MYO10: variants seen among roughly 807,000 people sequenced by gnomAD.
MYO10 encodes the protein unconventional myosin-X.
A neutral mutation model predicts 257.3 loss-of-function variants in MYO10; 133 were observed. That is an observed-to-expected ratio of 0.52 (90% confidence interval 0.45 to 0.60). The LOEUF is 0.60. MYO10 is among the 20% of genes least tolerant of loss of function. The pLI is 0.00. For synonymous variants in MYO10, 1,104 were observed against 1,028.6 expected (o/e 1.07, Z -1.40); for missense variants, 2,399 against 2,635.7 (o/e 0.91, Z 1.97).
At chr5:16,786,890 CG>C (rs1741597567) in intron 4 of MYO10, among the ~76,000 whole-genome samples, 1 of 151,524 alleles carries the variant, frequency 6.6e-6, no homozygotes, top group Non-Finnish European at 1.5e-5. Context: ...AATTTTTGGC[CG>C]GGGGCAGTAG....
intron 26 of MYO10, among the ~76,000 whole-genome samples, chr5:16,698,543 C>T (rs1424847231): frequency 4.0e-5 from 6 of 151,740 alleles, no homozygotes; most frequent in Non-Finnish European, 5.9e-5. Flanking sequence ...AGCAGTGGGC[C>T]TCAGTGAGAT....
chr5:16,741,360 A>C (rs773665345), intron 19 of MYO10, among the ~76,000 whole-genome samples: 1 of 152,196 alleles, frequency 6.6e-6, no homozygotes, highest in African/African-American at 2.4e-5. Context: ...AATGCGATTA[A>C]AAAAGAGATT....
At chr5:16,831,513 T>C (rs544491973) in intron 2 of MYO10, among the ~76,000 whole-genome samples, 34 of 152,200 alleles carry the variant, frequency 2.2e-4, no homozygotes, top group African/African-American at 7.5e-4. Flanking sequence ...CTGTGGTATA[T>C]ATATATACAA....
At chr5:16,766,583 C>T (rs547322748) in intron 10 of MYO10, among the ~76,000 whole-genome samples, 1 of 152,138 alleles carries the variant, frequency 6.6e-6, no homozygotes, top group East Asian at 1.9e-4. Context: ...GCACCCGCTA[C>T]CACGCCTGGC....
intron 33 of MYO10, among the ~76,000 whole-genome samples, chr5:16,676,647 CG>C (rs1426188642): frequency 2.6e-5 from 4 of 152,066 alleles, no homozygotes; most frequent in African/African-American, 9.7e-5. Context: ...ACCCGGGAGG[CG>C]GAGGTTGCAG....
chr5:16,908,941 A>T (rs1225014939), intron 1 of MYO10, among the ~76,000 whole-genome samples: 1 of 152,204 alleles, frequency 6.6e-6, no homozygotes, highest in Non-Finnish European at 1.5e-5. Context: ...ACAGAAAGCA[A>T]CTTGGAGGTT....
chr5:16,716,366 G>A (rs900963690), intron 19 of MYO10, among the ~76,000 whole-genome samples: 13 of 151,780 alleles, frequency 8.6e-5, no homozygotes, highest in African/African-American at 2.9e-4. Context: ...GACAACAGAG[G>A]TGCTGACAAA....
At chr5:16,903,998 G>A (rs147456057) in intron 1 of MYO10, among the ~76,000 whole-genome samples, 3 of 152,302 alleles carry the variant, frequency 2.0e-5, no homozygotes, top group Non-Finnish European at 2.9e-5. Flanking sequence ...TGTCTTGTAT[G>A]CCATGAGTTG....
At position 16,769,059 on chromosome 5, in the gene MYO10, C is replaced by T; in HGVS notation, c.1060+15G>A. ...GAACAAAGGGAGCGAGGAGGGCAGGCAGGCATAATCTTACCTGTTTTGAAG... is the reference window on the plus strand; with the variant it reads ...GAACAAAGGGAGCGAGGAGGGCAGGTAGGCATAATCTTACCTGTTTTGAAG... On this transcript the variant is annotated intron_variant, in intron 10 of 40. Coordinates refer to ENST00000513610, the MANE Select transcript of MYO10 (RefSeq NM_012334.3). 6.3e-7 allele frequency: 1 copy of T among 1,597,102 alleles called. No homozygotes were observed. The highest frequency in any genetic ancestry group is 1.3e-5 in the African/African-American group (1 of 74,126).
intron 1 of MYO10, among the ~76,000 whole-genome samples, chr5:16,923,276 C>T (rs1180770234): frequency 6.6e-6 from 1 of 151,750 alleles, no homozygotes; most frequent in African/African-American, 2.4e-5. Flanking sequence ...TGTATTTTCA[C>T]CTGGCACTAA....
Position 16,706,629 on chromosome 5 carries a change from G to A in MYO10, c.2170-1944C>T, listed in dbSNP as rs563536987. Among the ~76,000 whole-genome samples, 6 of 152,238 alleles carry A rather than the reference G, an allele frequency of 3.9e-5. No homozygotes were observed. The East Asian group carries it at 9.7e-4, about 25-fold the overall frequency. On this transcript the variant is annotated intron_variant, in intron 21 of 40. Transcript: ENST00000513610. Reference sequence around the variant, plus strand: ...CTCTCATGAGTGACACAGCGATGACGTGAACAAGTGGAAACCTTTGTGAAG... The same window carrying A: ...CTCTCATGAGTGACACAGCGATGACATGAACAAGTGGAAACCTTTGTGAAG...
At position 16,676,154 on chromosome 5, in the gene MYO10, C is replaced by T; in HGVS notation, c.4543G>A (p.Glu1515Lys). Residue 1515 changes from glutamate to lysine, a missense_variant and splice_region_variant, in exon 34 of 41, where the codon GAG becomes AAG. Glu to Lys is a moderately conservative substitution (Grantham distance 56). Around this residue, in one of 3 missense-constraint regions of MYO10, gnomAD observed 1,820 missense variants for 1,939.4 expected, o/e 0.94. Coordinates refer to ENST00000513610, the MANE Select transcript of MYO10 (RefSeq NM_012334.3). Reference protein sequence around the residue: ...PTQQLIQDIKENCLNSDVVEQ... With the variant: ...PTQQLIQDIKKNCLNSDVVEQ... ...ACCACATCCGAGTTCAGGCAGTTCTCCTAAAAATAAAGCAAGCAAGCTTAT... is the reference window on the plus strand; with the variant it reads ...ACCACATCCGAGTTCAGGCAGTTCTTCTAAAAATAAAGCAAGCAAGCTTAT... 6.2e-7 allele frequency: 1 copy of T among 1,610,834 alleles called. No individual in the cohort carries two copies. The highest frequency in any genetic ancestry group is 8.5e-7 in the Non-Finnish European group (1 of 1,179,010).
At chr5:16,868,134 C>A (rs1339945786) in intron 2 of MYO10, among the ~76,000 whole-genome samples, 2 of 152,220 alleles carry the variant, frequency 1.3e-5, no homozygotes, top group African/African-American at 4.8e-5. Flanking sequence ...GTTCTAATCA[C>A]CAAGGTGAAA....
chr5:16,867,643 A>G (rs893524336), intron 2 of MYO10, among the ~76,000 whole-genome samples: 2 of 152,182 alleles, frequency 1.3e-5, no homozygotes, highest in African/African-American at 4.8e-5. Flanking sequence ...AGTCAAACCA[A>G]AAAGTCAGAG....
intron 2 of MYO10, among the ~76,000 whole-genome samples, chr5:16,863,909 G>A (rs879748947): frequency 6.6e-6 from 1 of 152,170 alleles, no homozygotes. Context: ...ACCAGCCTGG[G>A]CAACAAGGCA....
intron 3 of MYO10, among the ~76,000 whole-genome samples, chr5:16,814,102 T>C (rs1285115602): frequency 6.6e-6 from 1 of 152,168 alleles, no homozygotes; most frequent in African/African-American, 2.4e-5. Flanking sequence ...TTTCTGCTGG[T>C]GAGACTTATG....
intron 2 of MYO10, among the ~76,000 whole-genome samples, chr5:16,824,531 G>A (rs1458762980): frequency 6.6e-6 from 1 of 152,102 alleles, no homozygotes; most frequent in Non-Finnish European, 1.5e-5. Context: ...TAAAAATGAT[G>A]ACAATAAGCC....
rs1431930876 is a variant in MYO10 at position 16,936,225 on chromosome 5, C to A, written c.-417G>T. The A allele has an allele frequency of 5.2e-6, 1 of 190,996 alleles. No homozygotes were observed. The highest frequency in any genetic ancestry group is 2.4e-5 in the African/African-American group (1 of 41,962). The allele number at this position is 190,996 out of a possible 1,614,324, so 11.8% of individuals were successfully genotyped here. ...CAAAGTGAGCAGGAGCCGCGATCCCCGCGCGAGCGCTTGGAGGTGAGCAGT... is the reference window on the plus strand; with the variant it reads ...CAAAGTGAGCAGGAGCCGCGATCCCAGCGCGAGCGCTTGGAGGTGAGCAGT... On this transcript the variant is annotated 5_prime_UTR_variant, in exon 1 of 41. Transcript: ENST00000513610.
chr5:16,691,390 A>T (rs546746212), intron 27 of MYO10, among the ~76,000 whole-genome samples: 1 of 151,366 alleles, frequency 6.6e-6, no homozygotes, highest in East Asian at 2.0e-4. Context: ...CACTGAGATG[A>T]AATATTTAAA....
Sources: gnomAD v4.1 joint callset for allele counts (sites outside exome capture counted in the v4.1 genomes callset) on GRCh38, gnomAD v4.1.1 for gene constraint, gnomAD v4.1.1 regional missense constraint, MANE v1.5 for transcripts, NCBI Gene and HGNC (gene_info 2026-07-23, HGNC 2026-07-21) for gene names.